Variants in FAAH2 observed in about 807,000 individuals in gnomAD.
The protein encoded by FAAH2 is fatty acid amide hydrolase 2.
Under a neutral mutation model 36.9 loss-of-function variants are expected in FAAH2, and 60 were observed. That is an observed-to-expected ratio of 1.63 (90% CI 1.32 to 2.02). FAAH2 has a LOEUF of 2.02. Ranked by LOEUF, FAAH2 falls within the 30% of genes most tolerant of loss-of-function variation. FAAH2 has a pLI of 0.00. For synonymous variants in FAAH2, 214 were observed against 143.8 expected (o/e 1.49, Z -3.49); for missense variants, 689 against 397.5 (o/e 1.73, Z -6.23).
chrX:57,181,694 C>A, the FAAH2 span, among the ~76,000 whole-genome samples: 1 of 111,699 alleles, frequency 9.0e-6, no homozygotes, highest in African/African-American at 3.2e-5. Context: ...TATCAAACTA[C>A]CAATGACATT....
chrX:57,442,145 T>C (rs941868820), intron 8 of FAAH2, among the ~76,000 whole-genome samples: 1 of 110,854 alleles, frequency 9.0e-6, no homozygotes, highest in Admixed American at 9.7e-5. Flanking sequence ...CAGAGCTGAG[T>C]TCAATTCCTG....
intron 8 of FAAH2, among the ~76,000 whole-genome samples, chrX:57,435,134 A>G (rs1269089020): frequency 1.8e-5 from 2 of 112,028 alleles, no homozygotes; most frequent in African/African-American, 3.2e-5. Flanking sequence ...TGTCCTTGAC[A>G]TGGAAATAAA....
chrX:57,251,531 C>A, the FAAH2 span, among the ~76,000 whole-genome samples: 2 of 111,651 alleles, frequency 1.8e-5, no homozygotes. Context: ...GAAACAAAGT[C>A]ATCCAAATTG....
chrX:57,433,340 G>C lies in FAAH2; in HGVS notation c.1116+1303G>C, dbSNP rs1269084505. Among the ~76,000 whole-genome samples, 3 of 110,174 alleles carry C rather than the reference G, an allele frequency of 2.7e-5. No individual in the cohort carries two copies. The Admixed American group carries it at 2.9e-4, about 11-fold the overall frequency. ...AGCTGGGATTATGATGCCAGATTTAGAGCTGGTGGTCATAACCACTTTACC... is the reference window on the plus strand; with the variant it reads ...AGCTGGGATTATGATGCCAGATTTACAGCTGGTGGTCATAACCACTTTACC... On this transcript the variant is annotated intron_variant, in intron 8 of 10. Transcript: ENST00000374900.
chrX:57,156,795 G>C, the FAAH2 span, among the ~76,000 whole-genome samples: 2 of 111,571 alleles, frequency 1.8e-5, no homozygotes, highest in African/African-American at 6.5e-5. Context: ...AGGTGACACA[G>C]GCACTCCTAT....
At chrX:57,256,564 A>C in the FAAH2 span, among the ~76,000 whole-genome samples, 2 of 111,910 alleles carry the variant, frequency 1.8e-5, no homozygotes, top group African/African-American at 6.5e-5. Flanking sequence ...CCAAAGACTT[A>C]AACATAAAAC....
At chrX:57,245,781 T>C in the FAAH2 span, among the ~76,000 whole-genome samples, 1 of 111,985 alleles carries the variant, frequency 8.9e-6, no homozygotes, top group Non-Finnish European at 1.9e-5. Context: ...GTGGGAAAGA[T>C]CTAAAATTGA....
At chrX:57,247,867 AGT>A in the FAAH2 span, among the ~76,000 whole-genome samples, 1 of 112,271 alleles carries the variant, frequency 8.9e-6, no homozygotes, top group Admixed American at 9.4e-5. Flanking sequence ...ACTGAAAGAG[AGT>A]GTTGTAGATG....
chrX:57,328,146 A>G (rs763659275), intron 3 of FAAH2, among the ~76,000 whole-genome samples: 2 of 111,986 alleles, frequency 1.8e-5, no homozygotes, highest in Non-Finnish European at 3.8e-5. Context: ...AGAGGCTGCA[A>G]AACAGCGAAT....
intron 7 of FAAH2, among the ~76,000 whole-genome samples, chrX:57,400,993 G>A (rs1334619779): frequency 9.0e-6 from 1 of 110,996 alleles, no homozygotes; most frequent in African/African-American, 3.3e-5. Flanking sequence ...TGTGGTGGCG[G>A]GCGCCTGCAG....
chrX:57,150,967 A>T, the FAAH2 span, among the ~76,000 whole-genome samples: 1 of 111,655 alleles, frequency 9.0e-6, no homozygotes, highest in Admixed American at 9.5e-5. Flanking sequence ...TGGTGACAAA[A>T]TCTCTCAGCA....
intron 5 of FAAH2, among the ~76,000 whole-genome samples, chrX:57,369,861 A>G (rs2054508448): frequency 8.9e-6 from 1 of 112,260 alleles, no homozygotes; most frequent in African/African-American, 3.2e-5. Flanking sequence ...TAAAATCACA[A>G]TGGTAAATAA....
chrX:57,458,678 G>A (rs1002779828), intron 10 of FAAH2, among the ~76,000 whole-genome samples: 4 of 111,734 alleles, frequency 3.6e-5, no homozygotes, highest in Non-Finnish European at 7.5e-5. Context: ...TGCAGACCAT[G>A]GAGGGCGAGC....
the FAAH2 span, among the ~76,000 whole-genome samples, chrX:57,273,025 G>A: frequency 8.9e-6 from 1 of 111,823 alleles, no homozygotes; most frequent in Non-Finnish European, 1.9e-5. Flanking sequence ...TCTACCTCAT[G>A]TGCAAAGACA....
At chrX:57,286,142 T>G (rs2051806887), upstream of FAAH2, among the ~76,000 whole-genome samples, 1 of 111,770 alleles carries the variant, frequency 8.9e-6, no homozygotes, top group African/African-American at 3.3e-5. Context: ...CACATGGATA[T>G]GTCAAAAAAG....
At chrX:57,296,310 G>A (rs1346135658) in intron 2 of FAAH2, among the ~76,000 whole-genome samples, 1 of 111,720 alleles carries the variant, frequency 9.0e-6, no homozygotes, top group Non-Finnish European at 1.9e-5. Context: ...CTGCTGTTCT[G>A]CAGCCACCAC....
chrX:57,319,555 A>T (rs1415510024), intron 3 of FAAH2, among the ~76,000 whole-genome samples: 1 of 112,352 alleles, frequency 8.9e-6, no homozygotes, highest in East Asian at 2.8e-4. Context: ...TTTCATGCTC[A>T]TGGGTAGAAA....
chrX:57,257,084 A>T, the FAAH2 span, among the ~76,000 whole-genome samples: 1 of 112,357 alleles, frequency 8.9e-6, no homozygotes, highest in Non-Finnish European at 1.9e-5. Context: ...ATGCTTTTAC[A>T]TTGTTGGTGG....
chrX:57,406,812 C>G (rs1277625270), intron 7 of FAAH2, among the ~76,000 whole-genome samples: 2 of 112,393 alleles, frequency 1.8e-5, no homozygotes, highest in East Asian at 5.6e-4. Flanking sequence ...ATTGTTTGAG[C>G]CCAGGTGGTG....
Sources: gnomAD v4.1 joint callset for allele counts (sites outside exome capture counted in the v4.1 genomes callset) on GRCh38, gnomAD v4.1.1 for gene constraint, MANE v1.5 for transcripts, NCBI Gene and HGNC (gene_info 2026-07-23, HGNC 2026-07-21) for gene names.